The following PCDHGA2 variants were observed in gnomAD, a reference collection of about 807,000 sequenced individuals.
PCDHGA2 encodes protocadherin gamma subfamily A, 2, also known as protocadherin gamma-A2.
PCDHGA2 carries 40 observed loss-of-function variants against 59.2 expected under a neutral mutation model. That is an observed-to-expected ratio of 0.68 (90% CI 0.52 to 0.88). The LOEUF is 0.88. Ranked by LOEUF, PCDHGA2 falls within the 40% of genes least tolerant of loss-of-function variation. PCDHGA2 has a pLI of 0.00. For synonymous variants in PCDHGA2, 560 were observed against 526.0 expected, an observed-to-expected ratio of 1.06 and a Z score of -0.89; for missense variants, 1,226 against 1,204.0, an observed-to-expected ratio of 1.02 and a Z score of -0.27.
chr5:141,482,967 AGCAGCTACTT>A (rs2099575323), intron 1 of PCDHGA2, among the ~76,000 whole-genome samples: 1 of 58,122 alleles, frequency 1.7e-5, no homozygotes, highest in African/African-American at 2.6e-4. Flanking sequence ...CAGCTACTTG[AGCAGCTACTT>A]GAGAGGTCGA....
rs2099391466 is a variant in PCDHGA2, at chr5:141,476,424, C to T, written c.2425-18383C>T. ...GAGGAGCTGTGTGGGACACTGCCCT[C>T]TTGCACTGTAACTCTGGAGTTGGTA... is the stretch of plus-strand genomic sequence containing the variant. On this transcript the variant is annotated intron_variant, in intron 1 of 3. Coordinates refer to ENST00000394576, the MANE Select transcript of PCDHGA2 (RefSeq NM_018915.4). This position sits in a 1 kb window ranked among gnomAD's most constrained non-coding sequence, Gnocchi z 7.6. 1 of 1,613,978 alleles carries T rather than the reference C, an allele frequency of 6.2e-7. No individual in the cohort carries two copies. The highest frequency in any genetic ancestry group is 1.1e-5 in the South Asian group (1 of 91,076).
rs752472089 is a variant in PCDHGA2, at chr5:141,389,501, G to T, written c.2424+48106G>T. The T allele has an allele frequency of 3.7e-6, 6 of 1,612,948 alleles. No individual in the cohort carries two copies. In the East Asian group the frequency reaches 6.7e-5, roughly 18 times the overall value. On this transcript the variant is annotated intron_variant, in intron 1 of 3. Transcript: ENST00000394576. Reference sequence around the variant, plus strand: ...AGGCCCGCGACCAGGGCTCGCCAGCGCTCAGCGCGAACGTGAGCCTGCGCG... The same window carrying T: ...AGGCCCGCGACCAGGGCTCGCCAGCTCTCAGCGCGAACGTGAGCCTGCGCG...
intron 1 of PCDHGA2, chr5:141,408,465 A>C: frequency 6.2e-7 from 1 of 1,613,960 alleles, no homozygotes. Context: ...CTTGTGAAGA[A>C]CCGAATAGAC....
At chr5:141,510,408 T>C (rs1447722710) in intron 3 of PCDHGA2, among the ~76,000 whole-genome samples, 1 of 151,878 alleles carries the variant, frequency 6.6e-6, no homozygotes, top group African/African-American at 2.4e-5. Flanking sequence ...GCTAGGGGCA[T>C]GTAAAGCCAT....
Position 141,512,703 on chromosome 5 carries a change from T to C in PCDHGA2, c.*1530T>C. ...TAGCCAGTAGTGTAGTGCGGTGTGC[T>C]TTTACGTGATGGCGGGTGGGCAGCG... On this transcript the variant is annotated 3_prime_UTR_variant, in exon 4 of 4. Coordinates refer to ENST00000394576, the MANE Select transcript of PCDHGA2 (RefSeq NM_018915.4). 1 of 152,958 alleles carries C rather than the reference T, an allele frequency of 6.5e-6. No individual in the cohort carries two copies. Among genetic ancestry groups the C allele is most frequent in the East Asian group, 1.9e-4 (1 of 5,212 alleles). 9.5% of individuals were successfully genotyped at this position (152,958 alleles called of 1,614,324 possible).
intron 1 of PCDHGA2, among the ~76,000 whole-genome samples, chr5:141,460,888 C>T (rs530320189): frequency 1.3e-5 from 2 of 149,792 alleles, no homozygotes; most frequent in East Asian, 2.0e-4. Context: ...CATGCCTTTT[C>T]GTGGCTGAGT....
At chr5:141,422,144 G>T in intron 1 of PCDHGA2, 1 of 1,583,520 alleles carries the variant, frequency 6.3e-7, no homozygotes, top group Non-Finnish European at 8.5e-7. Context: ...CAAGTACGGG[G>T]GTCTCTGGAT....
intron 1 of PCDHGA2, among the ~76,000 whole-genome samples, chr5:141,433,397 A>ATCTC (rs1179042498): frequency 6.6e-6 from 1 of 150,410 alleles, no homozygotes; most frequent in African/African-American, 2.5e-5. Flanking sequence ...CTATCTATCT[A>ATCTC]TCTATCTATT....
intron 1 of PCDHGA2, chr5:141,370,539 A>G: frequency 6.2e-7 from 1 of 1,613,826 alleles, no homozygotes; most frequent in Admixed American, 1.7e-5. Context: ...GCTGGTAGGG[A>G]ACCTCGCCAA....
rs780395794 is a variant in PCDHGA2, at chr5:141,489,685, G to A, written c.2425-5122G>A. ...GCGCATCTCAGAATCAGCAGCATCT[G>A]GGGCACGATTCCCACTGGACAGTGC... On this transcript the variant is annotated intron_variant, in intron 1 of 3. Coordinates refer to ENST00000394576, the MANE Select transcript of PCDHGA2 (RefSeq NM_018915.4). The surrounding 1 kb of genome is among the most constrained non-coding windows in gnomAD (Gnocchi z 4.5). 10 of 1,614,142 alleles carry A rather than the reference G, an allele frequency of 6.2e-6. No individual in the cohort carries two copies. The South Asian group carries it at 1.1e-4, about 18-fold the overall frequency.
intron 1 of PCDHGA2, chr5:141,441,971 G>A: frequency 3.3e-6 from 1 of 298,820 alleles, no homozygotes; most frequent in Non-Finnish European, 6.5e-6. Flanking sequence ...AGGCTCTTCA[G>A]CCTGGAATGC....
At chr5:141,349,857 G>T (rs958496319) in intron 1 of PCDHGA2, among the ~76,000 whole-genome samples, 12 of 152,012 alleles carry the variant, frequency 7.9e-5, no homozygotes, top group African/African-American at 2.7e-4. Context: ...AATGAAAAAA[G>T]AATACGAAAT....
chr5:141,385,638 T>A, intron 1 of PCDHGA2: 1 of 831,764 alleles, frequency 1.2e-6, no homozygotes, highest in Non-Finnish European at 1.5e-6. Context: ...ATCGAGTCTT[T>A]CATATTGCAC....
chr5:141,419,831 G>A, intron 1 of PCDHGA2: 5 of 1,614,048 alleles, frequency 3.1e-6, no homozygotes, highest in Non-Finnish European at 4.2e-6. Context: ...TTCAGCCACT[G>A]CCACGCTGCA....
Position 141,431,335 on chromosome 5 carries a change from C to G in PCDHGA2, c.2425-63472C>G, listed in dbSNP as rs747132346. On this transcript the variant is annotated intron_variant, in intron 1 of 3. Transcript: ENST00000394576. The surrounding 1 kb of genome is among the most constrained non-coding windows in gnomAD (Gnocchi z 4.8). ...ATGGAGCCGACGGTAGTAAGTACCC[C>G]GAATTGGTGCTGAAACGCGCCCTGG... 2 of 1,614,062 alleles carry G rather than the reference C, an allele frequency of 1.2e-6. No homozygotes were observed. Among genetic ancestry groups the G allele is most frequent in the Non-Finnish European group, 1.7e-6 (2 of 1,180,022 alleles).
At chr5:141,366,651 A>G (rs767855798) in intron 1 of PCDHGA2, 5 of 1,614,244 alleles carry the variant, frequency 3.1e-6, no homozygotes, top group East Asian at 2.2e-5. Flanking sequence ...CCCCAGCCCA[A>G]CTACGCAGAC....
intron 3 of PCDHGA2, among the ~76,000 whole-genome samples, chr5:141,510,553 A>G (rs1471878583): frequency 6.6e-6 from 1 of 152,162 alleles, no homozygotes; most frequent in Non-Finnish European, 1.5e-5. Context: ...TGTTTTGAGC[A>G]CTTACATCTA....
intron 1 of PCDHGA2, chr5:141,375,955 C>T: frequency 6.2e-7 from 1 of 1,613,498 alleles, no homozygotes; most frequent in Non-Finnish European, 8.5e-7. Context: ...TGCACACGGG[C>T]GAGGTGCGCA....
At chr5:141,364,800 C>T in intron 1 of PCDHGA2, 1 of 1,613,952 alleles carries the variant, frequency 6.2e-7, no homozygotes, top group Non-Finnish European at 8.5e-7. Context: ...CTTCCCTTCG[C>T]GCGGGATGCG....
Sources: allele counts gnomAD v4.1 joint callset (sites outside exome capture counted in the v4.1 genomes callset), GRCh38; gene constraint gnomAD v4.1.1; non-coding constraint Gnocchi (gnomAD v3.1); transcripts MANE v1.5; gene names NCBI Gene and HGNC (gene_info 2026-07-23, HGNC 2026-07-21).